Variants in FHOD3 observed in about 807,000 individuals in gnomAD.
FHOD3 encodes FH1/FH2 domain-containing protein 3.
A neutral mutation model predicts 173.0 loss-of-function variants in FHOD3; 90 were observed. The ratio of observed to expected loss-of-function variants is 0.52; its 90% confidence interval spans 0.44 to 0.62. FHOD3 has a LOEUF of 0.62. FHOD3 is among the 20% of genes least tolerant of loss of function. The probability of loss-of-function intolerance (pLI) is 0.00; values close to 1 mark genes in which losing one functional copy is unlikely to be tolerated. For synonymous variants in FHOD3, 828 were observed against 823.0 expected, an observed-to-expected ratio of 1.01 and a Z score of -0.10; for missense variants, 1,945 against 2,034.7, an observed-to-expected ratio of 0.96 and a Z score of 0.85.
chr18:36,610,140 C>A (rs1196954789), intron 8 of FHOD3, among the ~76,000 whole-genome samples: 1 of 152,142 alleles, frequency 6.6e-6, no homozygotes, highest in Admixed American at 6.5e-5. Flanking sequence ...TGGGGCTGGC[C>A]CCCACGCTGC....
intron 5 of FHOD3, among the ~76,000 whole-genome samples, chr18:36,568,367 A>AAAG (rs1568437858): frequency 8.2e-5 from 9 of 109,352 alleles, no homozygotes; most frequent in African/African-American, 3.1e-4. Context: ...AAAAAAAAAA[A>AAAG]GGTGGTGGAG....
intron 3 of FHOD3, among the ~76,000 whole-genome samples, chr18:36,497,256 T>G (rs2054793286): frequency 1.3e-5 from 2 of 152,214 alleles, no homozygotes; most frequent in Non-Finnish European, 2.9e-5. Flanking sequence ...AAATGACATT[T>G]GGCAAAAAAG....
intron 5 of FHOD3, among the ~76,000 whole-genome samples, chr18:36,547,383 A>G (rs1477858872): frequency 1.3e-5 from 2 of 152,126 alleles, no homozygotes; most frequent in Admixed American, 6.5e-5. Flanking sequence ...TGAAAAGTAA[A>G]ACCAAAAAAA....
At chr18:36,549,109 A>T (rs1258386163) in intron 5 of FHOD3, among the ~76,000 whole-genome samples, 1 of 152,198 alleles carries the variant, frequency 6.6e-6, no homozygotes, top group Non-Finnish European at 1.5e-5. Flanking sequence ...GTTTAATTTT[A>T]GCCATTCTAC....
At chr18:36,470,897 C>T (rs979959822) in intron 3 of FHOD3, among the ~76,000 whole-genome samples, 78 of 152,170 alleles carry the variant, frequency 5.1e-4, no homozygotes. Context: ...GCAGCTTCGC[C>T]CCTGGACTGA....
chr18:36,498,509 A>G (rs1403034038), intron 3 of FHOD3, among the ~76,000 whole-genome samples: 1 of 152,212 alleles, frequency 6.6e-6, no homozygotes, highest in Admixed American at 6.5e-5. Context: ...TAATAAAAGG[A>G]TGACAGAGAA....
chr18:36,428,073 AG>A (rs1486152657), intron 3 of FHOD3, among the ~76,000 whole-genome samples: 2 of 152,120 alleles, frequency 1.3e-5, no homozygotes, highest in Non-Finnish European at 2.9e-5. Flanking sequence ...TCCTGAGTGA[AG>A]TGTTCTCTGC....
chr18:36,502,117 A>G (rs980327031), intron 4 of FHOD3, 118 bp downstream of exon 4: 1 of 567,428 alleles, frequency 1.8e-6, no homozygotes, highest in African/African-American at 1.9e-5. Flanking sequence ...TACAATATTT[A>G]TATTTAGATT....
chr18:36,607,790 A>G (rs577112316), intron 8 of FHOD3, among the ~76,000 whole-genome samples: 311 of 152,168 alleles, frequency 2.0e-3, no homozygotes, highest in Non-Finnish European at 3.9e-3. Context: ...TCTGACTTTC[A>G]TTAGAGCCCT....
At position 36,718,326 on chromosome 18, in the gene FHOD3, G is replaced by A; in HGVS notation, c.3028G>A (p.Asp1010Asn). 2 of 1,614,034 alleles carry A rather than the reference G, an allele frequency of 1.2e-6. No homozygotes were observed. Among genetic ancestry groups the A allele is most frequent in the East Asian group, 2.2e-5 (1 of 44,880 alleles). ...GGAGGAGGATGACATTGATGTCCTA[G>A]ATGTGGACCTGGGTCACAGGGAGGC... ...LGEEDDIDVL[D>N]VDLGHREAPG... is the part of the protein sequence containing the mutation. The change falls in exon 19 of 29, where the codon GAT becomes AAT. Residue 1010 changes from aspartate (D) to asparagine (N), a missense_variant. This residue lies in a region of FHOD3 where 1,099 missense variants were observed against 1,051.2 expected (regional missense o/e 1.05). Coordinates refer to ENST00000590592, the MANE Select transcript of FHOD3 (RefSeq NM_001281740.3).
rs1304572453 is a variant in FHOD3 at position 36,502,692 on chromosome 18, G to A, written c.405+693G>A. Among the ~76,000 whole-genome samples, 3 of 152,118 alleles carry A rather than the reference G, an allele frequency of 2.0e-5. No homozygotes were observed. The East Asian group carries it at 5.8e-4, about 29-fold the overall frequency. ...CCAAGTCTTTGCTATTGTGAATAGTGCTGCAATAAACATACATGTGCAAAG... is the reference window on the plus strand; with the variant it reads ...CCAAGTCTTTGCTATTGTGAATAGTACTGCAATAAACATACATGTGCAAAG... On this transcript the variant is annotated intron_variant, in intron 4 of 28. Transcript: ENST00000590592.
At chr18:36,452,648 C>G (rs35289432) in intron 3 of FHOD3, among the ~76,000 whole-genome samples, 1 of 152,020 alleles carries the variant, frequency 6.6e-6, no homozygotes, top group Non-Finnish European at 1.5e-5. Flanking sequence ...CTCTGCTTCT[C>G]GGAGTCTGGC....
At chr18:36,423,613 T>C (rs953493397) in intron 3 of FHOD3, among the ~76,000 whole-genome samples, 5 of 152,144 alleles carry the variant, frequency 3.3e-5, no homozygotes, top group Admixed American at 2.6e-4. Flanking sequence ...GGAGGCTCCA[T>C]AGAGGGGCTG....
At chr18:36,645,034 G>A (rs114809995) in intron 10 of FHOD3, among the ~76,000 whole-genome samples, 1 of 152,174 alleles carries the variant, frequency 6.6e-6, no homozygotes, top group Non-Finnish European at 1.5e-5. Context: ...AGGGAAGGTG[G>A]CCTCATGATG....
intron 14 of FHOD3, among the ~76,000 whole-genome samples, chr18:36,677,454 T>G (rs1041600864): frequency 6.6e-6 from 1 of 152,178 alleles, no homozygotes; most frequent in African/African-American, 2.4e-5. Context: ...CAGCCTGTAT[T>G]TTGTTTTATA....
chr18:36,390,127 AG>A (rs1011359391), intron 3 of FHOD3, among the ~76,000 whole-genome samples: 81 of 152,070 alleles, frequency 5.3e-4, no homozygotes, highest in African/African-American at 1.9e-3. Flanking sequence ...TCCGGCATTG[AG>A]GCTTTGGGTA....
intron 5 of FHOD3, among the ~76,000 whole-genome samples, chr18:36,559,126 C>T (rs2057999307): frequency 6.6e-6 from 1 of 152,222 alleles, no homozygotes; most frequent in African/African-American, 2.4e-5. Context: ...ATCACTTACT[C>T]CTGGTCTTTG....
chr18:36,669,121 C>G (rs2037370793), intron 14 of FHOD3, among the ~76,000 whole-genome samples: 1 of 151,720 alleles, frequency 6.6e-6, no homozygotes, highest in East Asian at 1.9e-4. Context: ...TTAGTTTTCC[C>G]TCGTATCTTG....
At chr18:36,569,093 C>T (rs185355319) in intron 5 of FHOD3, among the ~76,000 whole-genome samples, 34 of 152,110 alleles carry the variant, frequency 2.2e-4, no homozygotes, top group African/African-American at 8.0e-4. Flanking sequence ...CAGATGGGCT[C>T]GGTAGCAGAT....
Sources: gnomAD v4.1 joint callset for allele counts (sites outside exome capture counted in the v4.1 genomes callset) on GRCh38, gnomAD v4.1.1 for gene constraint, gnomAD v4.1.1 regional missense constraint, MANE v1.5 for transcripts, NCBI Gene and HGNC (gene_info 2026-07-23, HGNC 2026-07-21) for gene names.